SYT16: variants seen among roughly 807,000 people sequenced by gnomAD.
The protein encoded by SYT16 is synaptotagmin 16.
SYT16 carries 42 observed loss-of-function variants against 61.4 expected under a neutral mutation model. The ratio of observed to expected loss-of-function variants is 0.68; its 90% CI spans 0.53 to 0.89. SYT16 has a LOEUF of 0.89. Ranked by LOEUF, SYT16 falls within the 40% of genes least tolerant of loss-of-function variation. The probability of loss-of-function intolerance (pLI) is 0.00; values close to 1 mark genes in which losing one functional copy is unlikely to be tolerated. For synonymous variants in SYT16, 314 were observed against 302.3 expected, an observed-to-expected ratio of 1.04 and a Z score of -0.40; for missense variants, 804 against 807.3, an observed-to-expected ratio of 1.00 and a Z score of 0.05.
rs1165099592 is a variant in SYT16, at chr14:62,011,920, C to CATATATATATATATATAT, written c.523+15379_523+15380insTATATATATATATATATA. On this transcript the variant is annotated intron_variant, in intron 3 of 7. Transcript: ENST00000683842. ...ACACACACACATATATATACACACA[C>CATATATATATATATATAT]ACACACATATATATATATATATTTG... Among the ~76,000 whole-genome samples the CATATATATATATATATAT allele has an allele frequency of 1.3e-3, 135 of 104,592 alleles. 2 individuals carry two copies. The highest frequency in any genetic ancestry group is 5.4e-3 in the African/African-American group (128 of 23,572). The allele number at this position is 104,592 out of a possible 152,430, so 68.6% of individuals were successfully genotyped here. A position where few individuals can be genotyped will look rare whatever the true frequency, so the allele number is the denominator to read the frequency against.
chr14:61,975,776 G>A (rs2051764597), intron 2 of SYT16, among the ~76,000 whole-genome samples: 1 of 152,094 alleles, frequency 6.6e-6, no homozygotes, highest in Middle Eastern at 3.2e-3. Context: ...GGTTTGGGTG[G>A]GGACACAAAG....
chr14:61,894,734 ATCACT>A (rs1180164102), intron 1 of SYT16, among the ~76,000 whole-genome samples: 1 of 152,150 alleles, frequency 6.6e-6, no homozygotes, highest in Non-Finnish European at 1.5e-5. Flanking sequence ...ACACTCAAGA[ATCACT>A]TCATTTCCTA....
intron 3 of SYT16, among the ~76,000 whole-genome samples, chr14:62,001,856 G>A (rs1221469239): frequency 1.3e-5 from 2 of 151,932 alleles, no homozygotes; most frequent in Admixed American, 6.6e-5. Context: ...TTCTTTGACA[G>A]CATCAAGTCT....
intron 1 of SYT16, among the ~76,000 whole-genome samples, chr14:61,839,461 G>A (rs2046234799): frequency 6.6e-6 from 1 of 152,204 alleles, no homozygotes; most frequent in South Asian, 2.1e-4. Flanking sequence ...ACACAGAAGT[G>A]ATGATAATTG....
At chr14:61,925,196 G>C (rs1160150840) in intron 1 of SYT16, among the ~76,000 whole-genome samples, 1 of 152,208 alleles carries the variant, frequency 6.6e-6, no homozygotes, top group African/African-American at 2.4e-5. Context: ...CTGACGGTAA[G>C]ATGCTCTTCG....
intron 1 of SYT16, among the ~76,000 whole-genome samples, chr14:61,828,708 G>A (rs1450300439): frequency 6.6e-6 from 1 of 152,152 alleles, no homozygotes; most frequent in East Asian, 1.9e-4. Context: ...AAGGAGAATT[G>A]GATCCTATCT....
intron 1 of SYT16, among the ~76,000 whole-genome samples, chr14:61,902,908 G>C (rs1327949792): frequency 1.3e-5 from 2 of 152,274 alleles, no homozygotes; most frequent in Middle Eastern, 3.4e-3. Flanking sequence ...CTGCTCCCAT[G>C]ATTCAATTAT....
intron 7 of SYT16, among the ~76,000 whole-genome samples, chr14:62,094,817 G>A (rs995654968): frequency 1.3e-5 from 2 of 151,986 alleles, no homozygotes; most frequent in Non-Finnish European, 2.9e-5. Context: ...GATGTCAATA[G>A]GCTCTGAACT....
chr14:62,000,749 T>G (rs528476122), intron 3 of SYT16, among the ~76,000 whole-genome samples: 1 of 152,240 alleles, frequency 6.6e-6, no homozygotes, highest in East Asian at 1.9e-4. Context: ...GATCTTTAAT[T>G]AACTTCAGTC....
At chr14:61,918,630 A>G (rs1199324576) in intron 1 of SYT16, among the ~76,000 whole-genome samples, 1 of 152,158 alleles carries the variant, frequency 6.6e-6, no homozygotes. Flanking sequence ...TAAGAGTATG[A>G]TTCCACTTTT....
intron 1 of SYT16, among the ~76,000 whole-genome samples, chr14:61,932,794 T>G (rs1480498920): frequency 6.6e-6 from 1 of 152,186 alleles, no homozygotes; most frequent in Non-Finnish European, 1.5e-5. Flanking sequence ...ATTAAGCTAC[T>G]CATGCCTCAT....
chr14:61,905,040 C>T lies in SYT16; in HGVS notation c.-324-65092C>T, dbSNP rs143111928. 3.0e-3 allele frequency among the ~76,000 whole-genome samples: 463 copies of T among 151,924 alleles called. 3 individuals are homozygous for T. Among genetic ancestry groups the T allele is most frequent in the African/African-American group, 0.011 (441 of 41,192 alleles). ...TACAGTTGGGGTCAGAATAGAATAT[C>T]ATGTATTTACTTATATCCCACTTCG... On this transcript the variant is annotated intron_variant, in intron 1 of 7. Transcript: ENST00000683842.
At chr14:61,907,069 C>A (rs552439560) in intron 1 of SYT16, among the ~76,000 whole-genome samples, 4 of 152,254 alleles carry the variant, frequency 2.6e-5, no homozygotes, top group African/African-American at 9.6e-5. Context: ...GAGGCAGAGA[C>A]AAGCTCCCTT....
chr14:62,048,454 G>T (rs2055104289), intron 3 of SYT16, among the ~76,000 whole-genome samples: 1 of 152,092 alleles, frequency 6.6e-6, no homozygotes, highest in East Asian at 1.9e-4. Context: ...TTTTTTGAAG[G>T]GTTTTTTGTG....
chr14:62,027,557 T>C (rs539368565), intron 3 of SYT16, among the ~76,000 whole-genome samples: 4 of 152,330 alleles, frequency 2.6e-5, no homozygotes. Context: ...AGATATTCCA[T>C]TTTTTATACT....
chr14:61,904,264 T>C (rs1242489107), intron 1 of SYT16, among the ~76,000 whole-genome samples: 2 of 152,166 alleles, frequency 1.3e-5, no homozygotes, highest in African/African-American at 4.8e-5. Flanking sequence ...GAAGTCAAAA[T>C]TTGCTTTGTT....
intron 1 of SYT16, chr14:61,832,208 G>T (rs2045961106): frequency 1.6e-6 from 1 of 643,082 alleles, no homozygotes; most frequent in Non-Finnish European, 3.0e-6. Flanking sequence ...TGGCAGACAG[G>T]TGCTTGACAT....
chr14:62,066,206 T>C (rs1244142941), intron 3 of SYT16, among the ~76,000 whole-genome samples: 20 of 152,200 alleles, frequency 1.3e-4, no homozygotes, highest in Admixed American at 1.3e-3. Context: ...CCACAGGACC[T>C]CCACTAGTTA....
intron 7 of SYT16, among the ~76,000 whole-genome samples, chr14:62,085,685 A>G (rs1358504278): frequency 1.4e-4 from 22 of 152,178 alleles, no homozygotes; most frequent in Admixed American, 1.4e-3. Context: ...TATGAAAACC[A>G]TTAGGAGGGC....
Sources: gnomAD v4.1 joint callset for allele counts (sites outside exome capture counted in the v4.1 genomes callset) on GRCh38, gnomAD v4.1.1 for gene constraint, MANE v1.5 for transcripts, NCBI Gene and HGNC (gene_info 2026-07-23, HGNC 2026-07-21) for gene names.